The following CAMTA1 variants were observed in gnomAD, a reference collection of about 807,000 sequenced individuals.
CAMTA1 encodes the protein calmodulin-binding transcription activator 1.
In CAMTA1, 27 loss-of-function variants were observed where a neutral mutation model predicts 170.9. That is an observed-to-expected ratio of 0.16 (90% CI 0.12 to 0.22). The LOEUF (loss-of-function observed/expected upper bound fraction) is 0.22, where lower values mean the gene tolerates loss of function less well. Among genes scored for constraint, CAMTA1 ranks in the 10% least tolerant of loss-of-function variants. CAMTA1 has a pLI of 1.00. For synonymous variants in CAMTA1, 833 were observed against 891.5 expected (o/e 0.93, Z 1.17); for missense variants, 1,619 against 2,217.2 (o/e 0.73, Z 5.42).
At chr1:7,323,320 T>C (rs890078618) in intron 5 of CAMTA1, among the ~76,000 whole-genome samples, 1 of 151,876 alleles carries the variant, frequency 6.6e-6, no homozygotes, top group African/African-American at 2.4e-5. Context: ...AGATTTCCAT[T>C]ATATCCTGTT....
chr1:7,652,040 G>T (rs976728666), intron 7 of CAMTA1, among the ~76,000 whole-genome samples: 1 of 152,122 alleles, frequency 6.6e-6, no homozygotes, highest in Admixed American at 6.6e-5. Context: ...CCCTCAGGGG[G>T]TCCCCTCCCA....
At chr1:7,631,719 C>A (rs1328335791) in intron 6 of CAMTA1, among the ~76,000 whole-genome samples, 1 of 152,208 alleles carries the variant, frequency 6.6e-6, no homozygotes, top group Non-Finnish European at 1.5e-5. Context: ...CCCGCGTGCC[C>A]TGGCCCTTCT....
intron 3 of CAMTA1, among the ~76,000 whole-genome samples, chr1:6,963,358 C>T (rs1690908318): frequency 6.9e-6 from 1 of 144,288 alleles, no homozygotes; most frequent in African/African-American, 2.5e-5. Flanking sequence ...TTGCCCGCGC[C>T]GCCCCTCTGG....
chr1:7,341,222 C>T (rs936342740), intron 5 of CAMTA1, among the ~76,000 whole-genome samples: 22 of 152,362 alleles, frequency 1.4e-4, no homozygotes, highest in African/African-American at 5.3e-4. Context: ...CCAGCTTCCC[C>T]ATGGCTGGAA....
At position 7,247,004 on chromosome 1, in the gene CAMTA1, C is replaced by A. The variant is rs192166540; in HGVS notation, c.303-2487C>A. Among the ~76,000 whole-genome samples the A allele has an allele frequency of 2.0e-5, 3 of 152,176 alleles. No homozygotes were observed. The South Asian group carries it at 6.2e-4, about 31-fold the overall frequency. ...CCTCATTTTCTTTGCCTTGGGGGCA[C>A]GTGGGCCCTTCTGCAGCCTGTCTTT... On this transcript the variant is annotated intron_variant, in intron 4 of 22. Transcript: ENST00000303635.
chr1:7,059,936 C>T (rs1032805982), intron 3 of CAMTA1, among the ~76,000 whole-genome samples: 15 of 152,188 alleles, frequency 9.9e-5, no homozygotes, highest in South Asian at 2.1e-4. Context: ...TCAGACCACA[C>T]GGCAGATGTG....
At position 7,333,539 on chromosome 1, in the gene CAMTA1, T is replaced by A. The variant is rs184338705; in HGVS notation, c.438+83913T>A. ...TGAGAAATGTCAGGGGCTCCTGCCA[T>A]GCGCAGCCAAGGCATTGGATCTTCA... On this transcript the variant is annotated intron_variant, in intron 5 of 22. Transcript: ENST00000303635. This position sits in a 1 kb window ranked among gnomAD's most constrained non-coding sequence, Gnocchi z 4.4. 3.3e-5 allele frequency among the ~76,000 whole-genome samples: 5 copies of A among 152,334 alleles called. No homozygotes were observed. Among genetic ancestry groups the A allele is most frequent in the African/African-American group, 1.2e-4 (5 of 41,582 alleles).
intron 5 of CAMTA1, 90 bp from the exon 6 acceptor site, chr1:7,467,740 C>A: frequency 1.6e-6 from 2 of 1,216,010 alleles, no homozygotes; most frequent in Non-Finnish European, 2.4e-6. Context: ...GCGGCTGTGG[C>A]CCCTTCTTGC....
rs548154088 is a variant in CAMTA1, at chr1:7,139,740, G to A, written c.302+48369G>A. ...ATAGTTGTGGGCTCAGCGGATGGTT[G>A]TTGGGTGGATGGACGGATAAATGGG... is the stretch of plus-strand genomic sequence containing the variant. On this transcript the variant is annotated intron_variant, in intron 4 of 22. Transcript: ENST00000303635. Among the ~76,000 whole-genome samples the A allele has an allele frequency of 2.0e-4, 31 of 152,332 alleles. 1 individual carries two copies. The highest frequency in any genetic ancestry group is 3.4e-3 in the Middle Eastern group (1 of 294).
chr1:6,804,497 C>G (rs1644283344), intron 1 of CAMTA1, among the ~76,000 whole-genome samples: 1 of 152,158 alleles, frequency 6.6e-6, no homozygotes, highest in East Asian at 1.9e-4. Flanking sequence ...TTAGCAGCCA[C>G]TCCCTGTTGC....
chr1:7,239,221 A>G (rs1424672301), intron 4 of CAMTA1, among the ~76,000 whole-genome samples: 1 of 152,228 alleles, frequency 6.6e-6, no homozygotes, highest in Non-Finnish European at 1.5e-5. Context: ...ATACTTCTGC[A>G]CTACACTGAT....
chr1:7,396,855 A>G (rs951100583), intron 5 of CAMTA1, among the ~76,000 whole-genome samples: 19 of 152,174 alleles, frequency 1.2e-4, no homozygotes, highest in African/African-American at 4.6e-4. Context: ...CCACTTGATC[A>G]TGGTTAATGA....
intron 22 of CAMTA1, among the ~76,000 whole-genome samples, chr1:7,757,619 T>C (rs1030139924): frequency 2.0e-5 from 3 of 151,574 alleles, no homozygotes; most frequent in Admixed American, 6.6e-5. Flanking sequence ...ATACAAAAAT[T>C]AGCTGGCCAT....
chr1:7,171,564 T>C (rs1315138715), intron 4 of CAMTA1, among the ~76,000 whole-genome samples: 1 of 152,160 alleles, frequency 6.6e-6, no homozygotes, highest in Admixed American at 6.5e-5. Context: ...TGAATTATTC[T>C]CCCCTGCCCC....
chr1:7,559,380 C>T (rs2094926706), intron 6 of CAMTA1, among the ~76,000 whole-genome samples: 1 of 152,182 alleles, frequency 6.6e-6, no homozygotes, highest in African/African-American at 2.4e-5. Context: ...GCCACAGCAC[C>T]TCTTGCCCTC....
chr1:7,119,596 A>T (rs1031718108), intron 4 of CAMTA1, among the ~76,000 whole-genome samples: 1 of 152,132 alleles, frequency 6.6e-6, no homozygotes. Flanking sequence ...TTACTCTGCG[A>T]TCTCTCTTCT....
intron 6 of CAMTA1, among the ~76,000 whole-genome samples, chr1:7,560,299 G>A (rs911274613): frequency 1.3e-4 from 20 of 152,328 alleles, no homozygotes; most frequent in Non-Finnish European, 8.8e-5. Flanking sequence ...CCCTGGGGTC[G>A]CTTGTGTCCC....
chr1:7,150,690 G>C (rs578062091), intron 4 of CAMTA1, among the ~76,000 whole-genome samples: 1 of 152,066 alleles, frequency 6.6e-6, no homozygotes, highest in East Asian at 1.9e-4. Flanking sequence ...TGTAACTCTC[G>C]GCATGTTTAG....
At chr1:7,704,955 C>G (rs2096492942) in intron 11 of CAMTA1, among the ~76,000 whole-genome samples, 1 of 29,096 alleles carries the variant, frequency 3.4e-5, no homozygotes, top group Admixed American at 5.5e-4. Context: ...CGGCGGCCGG[C>G]GGGGGCGCGC....
Sources: allele counts gnomAD v4.1 joint callset (sites outside exome capture counted in the v4.1 genomes callset), GRCh38; gene constraint gnomAD v4.1.1; non-coding constraint Gnocchi (gnomAD v3.1); transcripts MANE v1.5; gene names NCBI Gene and HGNC (gene_info 2026-07-23, HGNC 2026-07-21).